Variants in CNOT6L observed in about 807,000 individuals in gnomAD.
The protein encoded by CNOT6L is CCR4-NOT transcription complex subunit 6-like.
In CNOT6L, 7 loss-of-function variants were observed where a neutral mutation model predicts 64.0. That is an observed-to-expected ratio of 0.11 (90% CI 0.06 to 0.21). The LOEUF (loss-of-function observed/expected upper bound fraction) is 0.21. Ranked by LOEUF, CNOT6L falls within the 10% of genes least tolerant of loss-of-function variation. The pLI is 1.00. For synonymous variants in CNOT6L, 193 were observed against 243.4 expected (o/e 0.79, Z 1.93); for missense variants, 245 against 669.0 (o/e 0.37, Z 6.99).
intron 1 of CNOT6L, among the ~76,000 whole-genome samples, chr4:77,783,718 T>C (rs956539625): frequency 6.6e-6 from 1 of 152,056 alleles, no homozygotes; most frequent in African/African-American, 2.4e-5. Context: ...ACTAGTACAT[T>C]TAACTTAAGA....
chr4:77,816,782 C>G (rs773343350), intron 1 of CNOT6L, among the ~76,000 whole-genome samples: 17 of 152,170 alleles, frequency 1.1e-4, no homozygotes, highest in Non-Finnish European at 2.1e-4. Context: ...CTCCCACATT[C>G]TCTGTCCTGT....
At chr4:77,773,963 A>G (rs1727885426) in intron 3 of CNOT6L, among the ~76,000 whole-genome samples, 1 of 152,166 alleles carries the variant, frequency 6.6e-6, no homozygotes, top group Non-Finnish European at 1.5e-5. Flanking sequence ...AGATTTTAAA[A>G]CAATATGTTT....
chr4:77,759,193 A>G (rs1384962563), intron 4 of CNOT6L, among the ~76,000 whole-genome samples: 1 of 152,000 alleles, frequency 6.6e-6, no homozygotes, highest in Non-Finnish European at 1.5e-5. Context: ...CAATATATAC[A>G]AAGAAGTTTA....
intron 8 of CNOT6L, among the ~76,000 whole-genome samples, chr4:77,738,704 G>A: frequency 7.6e-6 from 1 of 131,102 alleles, no homozygotes; most frequent in Non-Finnish European, 1.5e-5. Context: ...AGTGGGCCAA[G>A]ATCACGCCAC....
At position 77,819,034 on chromosome 4, in the gene CNOT6L, C is replaced by A. The variant is rs748093465; in HGVS notation, c.5+270G>T. 1.5e-4 allele frequency: 92 copies of A among 616,722 alleles called. 1 individual carries two copies. Among genetic ancestry groups the A allele is most frequent in the South Asian group, 1.5e-3 (89 of 60,670 alleles). 38.2% of individuals were successfully genotyped at this position (616,722 alleles called of 1,614,324 possible). A position where few individuals can be genotyped will look rare whatever the true frequency, so the allele number is the denominator to read the frequency against. On this transcript the variant is annotated intron_variant, in intron 1 of 11. Transcript: ENST00000504123. ...GGGACACGCCACTCTGGGGTCCCGG[C>A]CCCGGGCCACCCCCGACACACACAC... is the stretch of plus-strand genomic sequence containing the variant.
intron 1 of CNOT6L, among the ~76,000 whole-genome samples, chr4:77,787,042 G>C (rs1223526124): frequency 1.3e-5 from 2 of 151,866 alleles, no homozygotes; most frequent in Middle Eastern, 3.2e-3. Flanking sequence ...AAGGTGGGCG[G>C]ATCACCTGAG....
intron 5 of CNOT6L, among the ~76,000 whole-genome samples, chr4:77,754,548 A>C (rs1725239951): frequency 6.6e-6 from 1 of 152,084 alleles, no homozygotes; most frequent in Non-Finnish European, 1.5e-5. Context: ...AGATTTAAAA[A>C]CCTCGTTCTA....
intron 4 of CNOT6L, among the ~76,000 whole-genome samples, chr4:77,758,638 A>T (rs1725832059): frequency 6.6e-6 from 1 of 152,188 alleles, no homozygotes; most frequent in Admixed American, 6.5e-5. Context: ...CTAGAACTAG[A>T]ACTAGAACAC....
intron 1 of CNOT6L, among the ~76,000 whole-genome samples, chr4:77,790,801 A>G (rs1325138440): frequency 6.8e-6 from 1 of 147,796 alleles, no homozygotes; most frequent in Non-Finnish European, 1.5e-5. Context: ...GGTGCCCACC[A>G]CTGCGCCTGG....
At chr4:77,728,408 G>T (rs1181803331) in intron 10 of CNOT6L, among the ~76,000 whole-genome samples, 1 of 152,206 alleles carries the variant, frequency 6.6e-6, no homozygotes, top group Non-Finnish European at 1.5e-5. Flanking sequence ...CCTAGCAGGA[G>T]ATGAAAGGAC....
chr4:77,736,697 T>A (rs1445690839), intron 8 of CNOT6L, among the ~76,000 whole-genome samples: 1 of 152,178 alleles, frequency 6.6e-6, no homozygotes, highest in Non-Finnish European at 1.5e-5. Context: ...ACGGAAAATC[T>A]TAAACTTGTC....
At chr4:77,785,013 G>A (rs1729281261) in intron 1 of CNOT6L, among the ~76,000 whole-genome samples, 1 of 152,128 alleles carries the variant, frequency 6.6e-6, no homozygotes, top group African/African-American at 2.4e-5. Flanking sequence ...ACATAGATGT[G>A]CACGCTATCT....
At chr4:77,762,565 C>G (rs1229521120) in intron 4 of CNOT6L, among the ~76,000 whole-genome samples, 1 of 152,150 alleles carries the variant, frequency 6.6e-6, no homozygotes, top group African/African-American at 2.4e-5. Flanking sequence ...AACAAACCAT[C>G]AACCTAAAGG....
At chr4:77,755,615 C>A (rs1268162965) in intron 5 of CNOT6L, among the ~76,000 whole-genome samples, 1 of 152,128 alleles carries the variant, frequency 6.6e-6, no homozygotes, top group Non-Finnish European at 1.5e-5. Flanking sequence ...AAGAACGCCT[C>A]TATAATAAAT....
chr4:77,785,918 G>A (rs1292243118), intron 1 of CNOT6L, among the ~76,000 whole-genome samples: 1 of 152,180 alleles, frequency 6.6e-6, no homozygotes, highest in African/African-American at 2.4e-5. Context: ...TTTCCCTCAA[G>A]GAAGGGGGTT....
At chr4:77,730,436 A>T (rs987984633) in intron 9 of CNOT6L, among the ~76,000 whole-genome samples, 1 of 152,130 alleles carries the variant, frequency 6.6e-6, no homozygotes, top group African/African-American at 2.4e-5. Flanking sequence ...TATGTATTTC[A>T]GAACGTAAAA....
rs1416160357 is a variant in CNOT6L, at chr4:77,742,390, T to TA, written c.718-96dup. On this transcript the variant is annotated intron_variant, in intron 7 of 11. Coordinates refer to ENST00000504123, the MANE Select transcript of CNOT6L (RefSeq NM_144571.3). ...GCATTATGAGTAAGATGTAACTTAG[T>TA]AAAAATAATTCACATAGCAAATATT... 4 of 1,136,368 alleles carry TA rather than the reference T, an allele frequency of 3.5e-6. No homozygotes were observed. The South Asian group carries it at 5.5e-5, about 16-fold the overall frequency. 70.4% of individuals were successfully genotyped at this position (1,136,368 alleles called of 1,614,324 possible).
intron 1 of CNOT6L, among the ~76,000 whole-genome samples, chr4:77,807,631 C>T (rs1732404992): frequency 6.6e-6 from 1 of 152,140 alleles, no homozygotes; most frequent in Admixed American, 6.5e-5. Context: ...ACAGACCACG[C>T]TGTAAGTCAC....
intron 1 of CNOT6L, among the ~76,000 whole-genome samples, chr4:77,797,785 C>G (rs890068905): frequency 2.0e-5 from 3 of 152,144 alleles, no homozygotes; most frequent in Non-Finnish European, 2.9e-5. Flanking sequence ...CAGTTTTAGG[C>G]ATCCACTGAG....
Sources: allele counts gnomAD v4.1 joint callset (sites outside exome capture counted in the v4.1 genomes callset), GRCh38; gene constraint gnomAD v4.1.1; transcripts MANE v1.5; gene names NCBI Gene and HGNC (gene_info 2026-07-23, HGNC 2026-07-21).